DIP2C: variants seen among roughly 807,000 people sequenced by gnomAD.
The protein encoded by DIP2C is disco-interacting protein 2 homolog C.
A neutral mutation model predicts 192.4 loss-of-function variants in DIP2C; 33 were observed. The ratio of observed to expected loss-of-function variants is 0.17; its 90% CI spans 0.13 to 0.23. DIP2C has a LOEUF of 0.23. Ranked by LOEUF, DIP2C falls within the 10% of genes least tolerant of loss-of-function variation. DIP2C has a pLI of 1.00. For synonymous variants in DIP2C, 979 were observed against 864.1 expected, an observed-to-expected ratio of 1.13 and a Z score of -2.33; for missense variants, 1,537 against 2,110.1, an observed-to-expected ratio of 0.73 and a Z score of 5.32.
At chr10:683,744 C>T (rs1831213959) in intron 1 of DIP2C, among the ~76,000 whole-genome samples, 1 of 152,182 alleles carries the variant, frequency 6.6e-6, no homozygotes, top group Non-Finnish European at 1.5e-5. Flanking sequence ...CCAATGTGCA[C>T]AGCATCAAAA....
chr10:604,295 C>T (rs1852315021), intron 1 of DIP2C, among the ~76,000 whole-genome samples: 1 of 152,154 alleles, frequency 6.6e-6, no homozygotes, highest in Non-Finnish European at 1.5e-5. Flanking sequence ...TCCTAATGAA[C>T]ACATCAGTCA....
At chr10:404,588 A>G (rs1017704437) in intron 9 of DIP2C, among the ~76,000 whole-genome samples, 2 of 152,216 alleles carry the variant, frequency 1.3e-5, no homozygotes, top group African/African-American at 2.4e-5. Flanking sequence ...TTAGACAAAC[A>G]TCCTAATCAT....
At position 548,211 on chromosome 10, in the gene DIP2C, C is replaced by CT. The variant is rs1554897799; in HGVS notation, c.86-61682_86-61681insA. 2.8e-5 allele frequency among the ~76,000 whole-genome samples: 3 copies of CT among 108,326 alleles called. No homozygotes were observed. In the East Asian group the frequency reaches 1.0e-3, roughly 37 times the overall value. 71.1% of individuals were successfully genotyped at this position (108,326 alleles called of 152,430 possible). ...CCAATTCACACGAGTCTGCCCCACC[C>CT]CCCCCCCCACAGGAAAGCCCTGGTG... is the stretch of plus-strand genomic sequence containing the variant. On this transcript the variant is annotated intron_variant, in intron 1 of 36. Transcript: ENST00000280886.
At chr10:387,905 C>A in intron 13 of DIP2C, 96 bp from the exon 14 acceptor site, 1 of 1,308,626 alleles carries the variant, frequency 7.6e-7, no homozygotes, top group Non-Finnish European at 1.1e-6. Context: ...GGGGAAATAA[C>A]AGATCTTGGG....
intron 1 of DIP2C, among the ~76,000 whole-genome samples, chr10:581,200 A>AG (rs1336924909): frequency 3.9e-5 from 6 of 152,184 alleles, no homozygotes; most frequent in African/African-American, 1.4e-4. Flanking sequence ...TACTTACTCT[A>AG]GTCTACTTGT....
chr10:528,841 G>A (rs568156613), intron 1 of DIP2C, among the ~76,000 whole-genome samples: 2 of 152,274 alleles, frequency 1.3e-5, no homozygotes, highest in African/African-American at 2.4e-5. Flanking sequence ...TGGGGCTGGC[G>A]TCCAGGCAGG....
intron 26 of DIP2C, among the ~76,000 whole-genome samples, chr10:347,373 C>T (rs1307696497): frequency 2.1e-5 from 3 of 143,088 alleles, no homozygotes; most frequent in Non-Finnish European, 1.5e-5. Flanking sequence ...ACACATCGCG[C>T]ATAGTTCTCC....
intron 34 of DIP2C, among the ~76,000 whole-genome samples, chr10:284,786 C>T (rs543836109): frequency 2.6e-5 from 4 of 152,288 alleles, no homozygotes; most frequent in South Asian, 2.1e-4. Context: ...TAATAGAACT[C>T]GGTCGTGGTA....
intron 32 of DIP2C, among the ~76,000 whole-genome samples, chr10:307,087 C>G (rs554777415): frequency 6.6e-6 from 1 of 152,336 alleles, no homozygotes; most frequent in East Asian, 1.9e-4. Context: ...CTTGTGGCCC[C>G]TCTTTCCCTC....
At chr10:337,145 T>TGTGG (rs1957845095) in intron 29 of DIP2C, among the ~76,000 whole-genome samples, 1 of 122,112 alleles carries the variant, frequency 8.2e-6, no homozygotes, top group East Asian at 2.7e-4. Context: ...TGTGTGTGTG[T>TGTGG]GTTGTGGAGG....
chr10:454,203 T>C (rs879501598), intron 3 of DIP2C, among the ~76,000 whole-genome samples: 1 of 152,182 alleles, frequency 6.6e-6, no homozygotes, highest in Non-Finnish European at 1.5e-5. Flanking sequence ...GAAGCACCCA[T>C]CTATTAAGAG....
intron 1 of DIP2C, among the ~76,000 whole-genome samples, chr10:563,745 G>A (rs1849329299): frequency 6.6e-6 from 1 of 152,222 alleles, no homozygotes; most frequent in Admixed American, 6.5e-5. Flanking sequence ...GACTTTTAAA[G>A]ATTATTAGTC....
At chr10:377,188 T>C (rs1235550381) in intron 17 of DIP2C, among the ~76,000 whole-genome samples, 1 of 148,926 alleles carries the variant, frequency 6.7e-6, no homozygotes, top group African/African-American at 2.5e-5. Context: ...AGATACTTAA[T>C]TTTTTGTTAC....
intron 1 of DIP2C, among the ~76,000 whole-genome samples, chr10:578,171 A>G (rs973307716): frequency 6.6e-6 from 1 of 152,198 alleles, no homozygotes; most frequent in African/African-American, 2.4e-5. Context: ...TCATCCTTCC[A>G]AACAGTACCT....
intron 22 of DIP2C, among the ~76,000 whole-genome samples, chr10:359,058 G>C (rs1237897003): frequency 6.6e-6 from 1 of 152,154 alleles, no homozygotes; most frequent in African/African-American, 2.4e-5. Context: ...CTATGGCTAA[G>C]CAGGTTGCTC....
At chr10:580,309 GCA>G (rs1850537818) in intron 1 of DIP2C, among the ~76,000 whole-genome samples, 2 of 152,064 alleles carry the variant, frequency 1.3e-5, no homozygotes, top group South Asian at 2.1e-4. Context: ...ACATTAGTGT[GCA>G]CATATCCACA....
chr10:609,456 C>T (rs1200817467), intron 1 of DIP2C, among the ~76,000 whole-genome samples: 1 of 152,202 alleles, frequency 6.6e-6, no homozygotes, highest in Admixed American at 6.5e-5. Flanking sequence ...TCAGGGCTGA[C>T]TAACATTCAA....
chr10:501,484 T>TA (rs1845224666), intron 1 of DIP2C, among the ~76,000 whole-genome samples: 1 of 152,072 alleles, frequency 6.6e-6, no homozygotes, highest in African/African-American at 2.4e-5. Flanking sequence ...TTTATAATAA[T>TA]ATGTTTATGA....
chr10:368,769 C>T (rs946635633), intron 18 of DIP2C, among the ~76,000 whole-genome samples: 13 of 152,194 alleles, frequency 8.5e-5, no homozygotes, highest in Non-Finnish European at 4.4e-5. Context: ...GAGCCCACAC[C>T]CCATGCCTGG....
Sources: allele counts gnomAD v4.1 joint callset (sites outside exome capture counted in the v4.1 genomes callset), GRCh38; gene constraint gnomAD v4.1.1; transcripts MANE v1.5; gene names NCBI Gene and HGNC (gene_info 2026-07-23, HGNC 2026-07-21).